CALN1: variants seen among roughly 807,000 people sequenced by gnomAD.
The protein encoded by CALN1 is calcium-binding protein 8.
CALN1 carries 17 observed loss-of-function variants against 30.6 expected under a neutral mutation model. The observed-to-expected ratio is 0.56, with a 90% CI of 0.38 to 0.83. The LOEUF (loss-of-function observed/expected upper bound fraction) is 0.83, where lower values mean the gene tolerates loss of function less well. Ranked by LOEUF, CALN1 falls within the 40% of genes least tolerant of loss-of-function variation. The pLI, the probability that CALN1 is intolerant of heterozygous loss-of-function variation, is 0.00. For missense variants in CALN1, 291 were observed against 354.9 expected, an observed-to-expected ratio of 0.82 and a Z score of 1.45; for synonymous variants, 156 against 131.4, an observed-to-expected ratio of 1.19 and a Z score of -1.28.
chr7:71,924,193 CAAAAAAAA>C (rs200454649), intron 5 of CALN1, among the ~76,000 whole-genome samples: 2 of 76,844 alleles, frequency 2.6e-5, no homozygotes, highest in South Asian at 4.7e-4. Context: ...AACTCAGTCT[CAAAAAAAA>C]AAAAAAAAAA....
intron 4 of CALN1, among the ~76,000 whole-genome samples, chr7:72,051,612 C>G (rs769893655): frequency 2.6e-5 from 4 of 152,094 alleles, no homozygotes; most frequent in Non-Finnish European, 5.9e-5. Flanking sequence ...CAAAAATACA[C>G]AAAAGAAAAC....
At chr7:72,127,635 AAGGAGGGACATC>A (rs1808859487) in intron 3 of CALN1, among the ~76,000 whole-genome samples, 2 of 152,116 alleles carry the variant, frequency 1.3e-5, no homozygotes, top group Non-Finnish European at 2.9e-5. Flanking sequence ...GATGAAAGAA[AAGGAGGGACATC>A]AGGAGGGCTC....
At chr7:72,235,438 T>C (rs570936168) in intron 3 of CALN1, among the ~76,000 whole-genome samples, 2 of 152,156 alleles carry the variant, frequency 1.3e-5, no homozygotes, top group African/African-American at 4.8e-5. Context: ...AAATCTACAT[T>C]GAAGGCAACT....
At chr7:72,327,300 C>T (rs866767337) in intron 2 of CALN1, among the ~76,000 whole-genome samples, 2 of 152,136 alleles carry the variant, frequency 1.3e-5, no homozygotes, top group Non-Finnish European at 1.5e-5. Context: ...TTGACACCAG[C>T]CTGGCCAGTA....
chr7:72,184,498 G>A (rs894237008), intron 3 of CALN1, among the ~76,000 whole-genome samples: 1 of 152,198 alleles, frequency 6.6e-6, no homozygotes, highest in Non-Finnish European at 1.5e-5. Flanking sequence ...CATAGTTAAG[G>A]TGCTTGACAC....
intron 3 of CALN1, among the ~76,000 whole-genome samples, chr7:72,256,801 G>A (rs999930055): frequency 1.1e-4 from 16 of 151,978 alleles, no homozygotes; most frequent in African/African-American, 3.9e-4. Context: ...TGGACAGACT[G>A]GGAAAAGATA....
chr7:72,186,587 C>G (rs71551252), intron 3 of CALN1, among the ~76,000 whole-genome samples: 3 of 152,144 alleles, frequency 2.0e-5, no homozygotes, highest in African/African-American at 7.2e-5. Context: ...CTTCCCCACT[C>G]TGGTAGTCTC....
intron 6 of CALN1, among the ~76,000 whole-genome samples, chr7:71,798,432 A>T (rs534032305): frequency 6.6e-6 from 1 of 152,036 alleles, no homozygotes; most frequent in Non-Finnish European, 1.5e-5. Flanking sequence ...CCCCTGTCTC[A>T]GTCTCCTGTG....
At chr7:71,847,946 G>A (rs1388764651) in intron 5 of CALN1, among the ~76,000 whole-genome samples, 1 of 152,030 alleles carries the variant, frequency 6.6e-6, no homozygotes, top group Non-Finnish European at 1.5e-5. Context: ...CCATGATTGT[G>A]AGGCCTCCCC....
chr7:72,023,545 C>T, intron 5 of CALN1, 112 bp downstream of exon 5: 1 of 619,088 alleles, frequency 1.6e-6, no homozygotes, highest in Non-Finnish European at 2.7e-6. Context: ...ATATGTCGCT[C>T]AGCCCAGAAG....
intron 5 of CALN1, among the ~76,000 whole-genome samples, chr7:71,813,557 T>C (rs1434027353): frequency 6.6e-6 from 1 of 152,146 alleles, no homozygotes; most frequent in Non-Finnish European, 1.5e-5. Flanking sequence ...GATAAAAACA[T>C]AACTAAGTCC....
At chr7:72,000,065 AAAGT>A (rs1799450269) in intron 5 of CALN1, among the ~76,000 whole-genome samples, 1 of 152,186 alleles carries the variant, frequency 6.6e-6, no homozygotes, top group South Asian at 2.1e-4. Flanking sequence ...GAACTGAAAG[AAAGT>A]GAGCGTGGAA....
At chr7:72,317,167 G>C (rs1322447024) in intron 2 of CALN1, among the ~76,000 whole-genome samples, 1 of 132,270 alleles carries the variant, frequency 7.6e-6, no homozygotes, top group Non-Finnish European at 1.6e-5. Flanking sequence ...GAGCAGGGGA[G>C]GGAGGGAGGG....
chr7:72,065,658 C>G (rs12699120), intron 4 of CALN1, among the ~76,000 whole-genome samples: 68,940 of 151,818 alleles, frequency 0.45, 15,895 homozygotes, highest in East Asian at 0.65. Context: ...GGACCGAACC[C>G]CACGCTTCAT....
intron 3 of CALN1, among the ~76,000 whole-genome samples, chr7:72,153,811 T>C (rs1787451150): frequency 1.3e-5 from 2 of 152,240 alleles, no homozygotes; most frequent in Non-Finnish European, 2.9e-5. Flanking sequence ...CACTGGGCAC[T>C]TGAAGGATGC....
chr7:72,461,049 T>C, the CALN1 span, among the ~76,000 whole-genome samples: 1 of 152,170 alleles, frequency 6.6e-6, no homozygotes, highest in Non-Finnish European at 1.5e-5. Flanking sequence ...CTTCTCTCCA[T>C]CCCATTCCCT....
chr7:71,790,368 A>AAAAGAAAGAAAGAAAGAAAAGAAAG (rs1793284116), intron 6 of CALN1, among the ~76,000 whole-genome samples: 2 of 123,680 alleles, frequency 1.6e-5, no homozygotes, highest in Non-Finnish European at 3.4e-5. Context: ...AGAAAGAAAG[A>AAAAGAAAGAAAGAAAGAAAAGAAAG]AAAGAAAGAA....
intron 4 of CALN1, among the ~76,000 whole-genome samples, chr7:72,091,629 G>C (rs1805867763): frequency 6.6e-6 from 1 of 152,144 alleles, no homozygotes; most frequent in Non-Finnish European, 1.5e-5. Flanking sequence ...CCTTATTGCT[G>C]GTCTGTATAG....
At chr7:72,372,211 T>C (rs551078489) in intron 2 of CALN1, among the ~76,000 whole-genome samples, 2 of 152,140 alleles carry the variant, frequency 1.3e-5, no homozygotes, top group South Asian at 2.1e-4. Context: ...AAATAATTCA[T>C]AACAGCAGAA....
Sources: gnomAD v4.1 joint callset for allele counts (sites outside exome capture counted in the v4.1 genomes callset) on GRCh38, gnomAD v4.1.1 for gene constraint, MANE v1.5 for transcripts, NCBI Gene and HGNC (gene_info 2026-07-23, HGNC 2026-07-21) for gene names.